The following MYO7A variants were observed in gnomAD, a reference collection of about 807,000 sequenced individuals.
MYO7A encodes the protein unconventional myosin-VIIa.
Under a neutral mutation model 263.8 loss-of-function variants are expected in MYO7A, and 210 were observed. That is an observed-to-expected ratio of 0.80 (90% CI 0.71 to 0.89). The LOEUF (loss-of-function observed/expected upper bound fraction) is 0.89, where lower values mean the gene tolerates loss of function less well. Ranked by LOEUF, MYO7A falls within the 40% of genes least tolerant of loss-of-function variation. The probability of loss-of-function intolerance (pLI) is 0.00; values close to 1 mark genes in which losing one functional copy is unlikely to be tolerated. For synonymous variants in MYO7A, 1,239 were observed against 1,197.3 expected (o/e 1.03, Z -0.72); for missense variants, 2,820 against 2,968.3 (o/e 0.95, Z 1.16).
chr11:77,167,335 G>A (rs1422844353), intron 15 of MYO7A, among the ~76,000 whole-genome samples: 1 of 152,110 alleles, frequency 6.6e-6, no homozygotes, highest in African/African-American at 2.4e-5. Flanking sequence ...CCTTCCACCA[G>A]GCCCTGGTGG....
intron 12 of MYO7A, 120 bp from the exon 13 acceptor site, chr11:77,162,000 T>C (rs1343450386): frequency 3.3e-6 from 3 of 915,484 alleles, no homozygotes; most frequent in African/African-American, 1.6e-5. Context: ...GCCTCTGAGT[T>C]TGGAGTCCAT....
In MYO7A at chr11:77,212,979, ATCC is replaced by A. The variant is rs539755538; in HGVS notation, c.6387_6389del (p.Leu2130del). 6 of 1,596,152 alleles carry A rather than the reference ATCC, an allele frequency of 3.8e-6. No homozygotes were observed. The highest frequency in any genetic ancestry group is 1.6e-4 in the Middle Eastern group (1 of 6,072). On this transcript the variant is annotated inframe_deletion, in exon 47 of 49. Transcript: ENST00000409709. ...AACTACGGAGCCAAACTTCCCTGAG[ATCC>A]TCCTAATTGCCATCAACAAGTATGG...
chr11:77,144,083 G>A (rs1951395841), intron 3 of MYO7A, among the ~76,000 whole-genome samples: 2 of 152,198 alleles, frequency 1.3e-5, no homozygotes, highest in African/African-American at 4.8e-5. Context: ...AAGTGATGGT[G>A]CTGGGATTAG....
chr11:77,167,717 G>T lies in MYO7A; in HGVS notation c.1797+1555G>T, dbSNP rs1953684788. ...TACTGACATCCTTCCACTTTGGCCT[G>T]GTGCTGAGTCCTTCTTCCTTCCTGC... On this transcript the variant is annotated intron_variant, in intron 15 of 48. Coordinates refer to ENST00000409709, the MANE Select transcript of MYO7A (RefSeq NM_000260.4). 2.6e-5 allele frequency among the ~76,000 whole-genome samples: 4 copies of T among 152,108 alleles called. No individual in the cohort carries two copies. In the South Asian group the frequency reaches 8.3e-4, roughly 32 times the overall value.
At chr11:77,194,639 C>T (rs1956504897) in intron 32 of MYO7A, 115 bp downstream of exon 32, 3 of 1,117,938 alleles carry the variant, frequency 2.7e-6, no homozygotes, top group Non-Finnish European at 3.7e-6. Flanking sequence ...TGGCACCTTC[C>T]AGTGGCCCTT....
At chr11:77,213,825 G>C in intron 47 of MYO7A, 35 bp from the exon 48 acceptor site, 4 of 1,613,762 alleles carry the variant, frequency 2.5e-6, no homozygotes, top group Non-Finnish European at 3.4e-6. Flanking sequence ...ACAGGGCCCA[G>C]GCCGTGCCTC....
rs569293775 is a variant in MYO7A at position 77,190,134 on chromosome 11, C to T, written c.3745C>T (p.Leu1249=). 11 of 1,561,948 alleles carry T rather than the reference C, an allele frequency of 7.0e-6. No individual in the cohort carries two copies. In the African/African-American group the frequency reaches 1.4e-4, roughly 19 times the overall value. ...TRTQPPSWLE[L]QATKSKKPIM... ...GACACAGCCGCCCAGCTGGCTGGAG[C>T]TGCAGGTTCGTGCGTGTGTATGCAC... Residue 1249 remains leucine (L), a synonymous_variant, in exon 29 of 49, where the codon CTG becomes TTG. Coordinates refer to ENST00000409709, the MANE Select transcript of MYO7A (RefSeq NM_000260.4).
intron 17 of MYO7A, 96 bp from the exon 18 acceptor site, chr11:77,175,276 T>G: frequency 1.7e-6 from 2 of 1,162,394 alleles, no homozygotes; most frequent in African/African-American, 3.0e-5. Context: ...GGGGCAGAGC[T>G]CGGGAAGAGC....
Position 77,177,588 on chromosome 11 carries a change from G to A in MYO7A, c.2227G>A (p.Ala743Thr). 1.9e-6 allele frequency: 3 copies of A among 1,612,336 alleles called. No individual in the cohort carries two copies. Among genetic ancestry groups the A allele is most frequent in the Non-Finnish European group, 2.5e-6 (3 of 1,179,470 alleles). Residue 743 changes from alanine (A) to threonine (T), a missense_variant, in exon 19 of 49, where the codon GCC (alanine) becomes ACC (threonine). Physicochemically the swap from Ala to Thr is moderately conservative, Grantham distance 58. Transcript: ENST00000409709. ...DMLLEVERDK[A>T]ITDRVILLQK... Reference sequence around the variant, plus strand: ...GCTGCTGGAAGTGGAGCGGGACAAAGCCATCACCGACAGAGTCATCCTCCT... The same window carrying A: ...GCTGCTGGAAGTGGAGCGGGACAAAACCATCACCGACAGAGTCATCCTCCT...
At chr11:77,130,184 C>A (rs927245535) in intron 1 of MYO7A, among the ~76,000 whole-genome samples, 5 of 152,250 alleles carry the variant, frequency 3.3e-5, no homozygotes, top group Non-Finnish European at 4.4e-5. Flanking sequence ...CCTTGTCACC[C>A]ACATTCCTGG....
At chr11:77,214,549 C>A in intron 48 of MYO7A, 58 bp from the exon 49 acceptor site, 1 of 1,285,006 alleles carries the variant, frequency 7.8e-7, no homozygotes, top group Non-Finnish European at 1.1e-6. Context: ...GTGCTATGGT[C>A]TGAGTGGCTG....
intron 3 of MYO7A, among the ~76,000 whole-genome samples, chr11:77,147,566 T>A (rs1211593847): frequency 6.6e-6 from 1 of 152,136 alleles, no homozygotes; most frequent in Admixed American, 6.5e-5. Context: ...CCTGCCCACC[T>A]CTTAGGTCTG....
At position 77,208,763 on chromosome 11, in the gene MYO7A, G is replaced by A. The variant is rs1031844274; in HGVS notation, c.6011G>A (p.Gly2004Glu). Reference sequence around the variant, plus strand: ...AAGCTGTGGACCACCACGGTGCCAGGGAAGGATCCCATGGCCGATTCCATC... The same window carrying A: ...AAGCTGTGGACCACCACGGTGCCAGAGAAGGATCCCATGGCCGATTCCATC... ...MKKLWTTTVPGKDPMADSIFH... is the reference protein window; with the variant it reads ...MKKLWTTTVPEKDPMADSIFH... Residue 2004 changes from glycine to glutamate, a missense_variant, in exon 44 of 49, where the codon GGG becomes GAG. Transcript: ENST00000409709. The A allele has an allele frequency of 6.3e-7, 1 of 1,580,258 alleles. No homozygotes were observed. Among genetic ancestry groups the A allele is most frequent in the Non-Finnish European group, 8.6e-7 (1 of 1,163,120 alleles).
At chr11:77,203,239 G>T in intron 38 of MYO7A, 22 bp downstream of exon 38, 1 of 1,545,354 alleles carries the variant, frequency 6.5e-7, no homozygotes, top group Non-Finnish European at 8.7e-7. Flanking sequence ...ACTGGGCTGT[G>T]CCCAGGGGAG....
rs727504710 is a variant in MYO7A, at chr11:77,190,048, C to T, written c.3659C>T (p.Pro1220Leu). The change falls in exon 29 of 49, where the codon CCG becomes CTG. Residue 1220 changes from proline (P) to leucine (L), a missense_variant. Transcript: ENST00000409709. ...CTGCGGAACTTCATCCACGGGGGCC[C>T]GCCCGGCTACGCCCCGTACTGTGAG... ...KYLRNFIHGG[P>L]PGYAPYCEER... 6.9e-5 allele frequency: 108 copies of T among 1,565,224 alleles called. No homozygotes were observed. The highest frequency in any genetic ancestry group is 1.1e-4 in the South Asian group (9 of 84,930).
At chr11:77,192,942 TGGA>T (rs1429102465) in intron 31 of MYO7A, among the ~76,000 whole-genome samples, 1 of 11,080 alleles carries the variant, frequency 9.0e-5, no homozygotes, top group African/African-American at 3.8e-4. Flanking sequence ...TTTGTGATGG[TGGA>T]GGTAGTGATG....
At chr11:77,154,197 A>G (rs1952229106) in intron 4 of MYO7A, among the ~76,000 whole-genome samples, 1 of 152,188 alleles carries the variant, frequency 6.6e-6, no homozygotes, top group Non-Finnish European at 1.5e-5. Context: ...ACAACAGCCA[A>G]GGGAGGTGGG....
rs878853377 is a variant in MYO7A, at chr11:77,160,217, G to A, written c.1135G>A (p.Gly379Arg). 20 of 1,581,746 alleles carry A rather than the reference G, an allele frequency of 1.3e-5. No individual in the cohort carries two copies. The highest frequency in any genetic ancestry group is 3.6e-5 in the Admixed American group (2 of 55,766). ...CLTSRTLITRGETVSTPLSRE... is the reference protein window; with the variant it reads ...CLTSRTLITRRETVSTPLSRE... ...GACTAGCCGCACCCTCATCACCCGCGGGGAGACGGTGTCCACCCCACTGAG... is the reference window on the plus strand; with the variant it reads ...GACTAGCCGCACCCTCATCACCCGCAGGGAGACGGTGTCCACCCCACTGAG... Residue 379 changes from glycine (G) to arginine (R), a missense_variant, in exon 11 of 49, where the codon GGG (glycine) becomes AGG (arginine). By Grantham distance (125) the Gly-to-Arg change is moderately radical. Coordinates refer to ENST00000409709, the MANE Select transcript of MYO7A (RefSeq NM_000260.4).
At chr11:77,150,214 G>A (rs565173129) in intron 4 of MYO7A, among the ~76,000 whole-genome samples, 3 of 152,226 alleles carry the variant, frequency 2.0e-5, no homozygotes, top group Non-Finnish European at 2.9e-5. Flanking sequence ...AAGTTTTCCC[G>A]CCGGGCCCCC....
Sources: allele counts gnomAD v4.1 joint callset (sites outside exome capture counted in the v4.1 genomes callset), GRCh38; gene constraint gnomAD v4.1.1; transcripts MANE v1.5; gene names NCBI Gene and HGNC (gene_info 2026-07-23, HGNC 2026-07-21).